Variants in BBS9 observed in about 807,000 individuals in gnomAD.
BBS9 encodes protein PTHB1.
In BBS9, 89 loss-of-function variants were observed where a neutral mutation model predicts 117.7. That is an observed-to-expected ratio of 0.76 (90% CI 0.64 to 0.90). BBS9 has a LOEUF of 0.90. Ranked by LOEUF, BBS9 falls within the 40% of genes least tolerant of loss-of-function variation. The pLI, the probability that BBS9 is intolerant of heterozygous loss-of-function variation, is 0.00. For missense variants in BBS9, 982 were observed against 1,042.2 expected, an observed-to-expected ratio of 0.94 and a Z score of 0.80; for synonymous variants, 379 against 370.9, an observed-to-expected ratio of 1.02 and a Z score of -0.25.
intron 21 of BBS9, among the ~76,000 whole-genome samples, chr7:33,623,718 T>C (rs2129224367): frequency 6.6e-6 from 1 of 152,334 alleles, no homozygotes; most frequent in African/African-American, 2.4e-5. Context: ...AGGATTAACA[T>C]GGATGAATCT....
intron 1 of BBS9, among the ~76,000 whole-genome samples, chr7:33,141,431 A>G (rs1055309855): frequency 2.0e-5 from 3 of 152,004 alleles, no homozygotes; most frequent in Admixed American, 6.6e-5. Context: ...TCACTCCCCA[A>G]AAAAGCTCAC....
chr7:33,455,998 G>C (rs528074498), intron 19 of BBS9, among the ~76,000 whole-genome samples: 1 of 152,148 alleles, frequency 6.6e-6, no homozygotes, highest in African/African-American at 2.4e-5. Flanking sequence ...TATTGTGCTG[G>C]GGAAAAATTA....
intron 5 of BBS9, among the ~76,000 whole-genome samples, chr7:33,197,906 A>C (rs1005634187): frequency 6.6e-6 from 1 of 151,976 alleles, no homozygotes; most frequent in Non-Finnish European, 1.5e-5. Flanking sequence ...TAGAAGAATC[A>C]TATTATATGT....
At chr7:33,406,936 T>G (rs1449866513) in intron 19 of BBS9, among the ~76,000 whole-genome samples, 4 of 152,116 alleles carry the variant, frequency 2.6e-5, no homozygotes, top group African/African-American at 9.7e-5. Flanking sequence ...TCTCGAGGAG[T>G]GTCTTTGTGG....
chr7:33,222,575 TCTC>T (rs1389080543), intron 5 of BBS9, among the ~76,000 whole-genome samples: 13 of 152,226 alleles, frequency 8.5e-5, no homozygotes, highest in Admixed American at 2.0e-4. Flanking sequence ...CCCGGTTTCT[TCTC>T]CTTCTATTCT....
rs374082369 is a variant in BBS9 at position 33,469,090 on chromosome 7, TTGAC to T, written c.2116-36370_2116-36367del. 9.9e-5 allele frequency among the ~76,000 whole-genome samples: 15 copies of T among 152,268 alleles called. No homozygotes were observed. In the South Asian group the frequency reaches 3.1e-3, roughly 32 times the overall value. Reference sequence around the variant, plus strand: ...ATAACCACTTTTACAGTAGAGTAGATTGACTGTGCATTGGTAAGTAGTGTCAGAC... The same window carrying T: ...ATAACCACTTTTACAGTAGAGTAGATTGTGCATTGGTAAGTAGTGTCAGAC... On this transcript the variant is annotated intron_variant, in intron 19 of 22. Coordinates refer to ENST00000242067, the MANE Select transcript of BBS9 (RefSeq NM_198428.3).
chr7:33,219,842 A>G (rs992738592), intron 5 of BBS9, among the ~76,000 whole-genome samples: 1 of 152,050 alleles, frequency 6.6e-6, no homozygotes, highest in African/African-American at 2.4e-5. Context: ...CACTGTGGAA[A>G]TTTTGTTCTT....
chr7:33,306,456 A>G (rs1807992249), intron 9 of BBS9, among the ~76,000 whole-genome samples: 1 of 152,128 alleles, frequency 6.6e-6, no homozygotes, highest in South Asian at 2.1e-4. Context: ...AACGGAAAAT[A>G]TGAAACTTTA....
intron 17 of BBS9, among the ~76,000 whole-genome samples, chr7:33,382,301 AAT>A: frequency 6.6e-6 from 1 of 152,136 alleles, no homozygotes; most frequent in Middle Eastern, 3.4e-3. Context: ...CTCTACTAAA[AAT>A]ACAAAAATTG....
chr7:33,283,067 C>A (rs529828638), intron 9 of BBS9, among the ~76,000 whole-genome samples: 3 of 152,218 alleles, frequency 2.0e-5, no homozygotes, highest in African/African-American at 7.2e-5. Flanking sequence ...TAAATGGAGT[C>A]AAAGCTTACC....
chr7:33,445,796 G>A (rs373525658), intron 19 of BBS9, among the ~76,000 whole-genome samples: 8 of 152,202 alleles, frequency 5.3e-5, no homozygotes, highest in African/African-American at 4.8e-5. Context: ...ATGAAATCTG[G>A]TGGTTTTATA....
At chr7:33,166,320 C>T (rs1041054965) in intron 4 of BBS9, among the ~76,000 whole-genome samples, 6 of 152,182 alleles carry the variant, frequency 3.9e-5, no homozygotes, top group African/African-American at 1.4e-4. Flanking sequence ...GTTCAGGGAC[C>T]CACTTGAGGA....
intron 21 of BBS9, among the ~76,000 whole-genome samples, chr7:33,574,750 A>G (rs937264417): frequency 6.7e-6 from 1 of 148,438 alleles, no homozygotes; most frequent in Non-Finnish European, 1.5e-5. Flanking sequence ...CACTTTCACT[A>G]TTTATTTATT....
intron 21 of BBS9, among the ~76,000 whole-genome samples, chr7:33,626,735 C>CT: frequency 6.6e-6 from 1 of 152,286 alleles, no homozygotes; most frequent in East Asian, 1.9e-4. Flanking sequence ...GAACTTTGAA[C>CT]TTGAGGGTGA....
intron 21 of BBS9, among the ~76,000 whole-genome samples, chr7:33,593,399 GT>G (rs1030953273): frequency 6.6e-6 from 1 of 151,874 alleles, no homozygotes; most frequent in African/African-American, 2.4e-5. Flanking sequence ...GTGAGTAGAG[GT>G]TTTTTTTGTT....
intron 19 of BBS9, among the ~76,000 whole-genome samples, chr7:33,409,265 C>T (rs1294842635): frequency 6.6e-6 from 1 of 152,108 alleles, no homozygotes; most frequent in Non-Finnish European, 1.5e-5. Flanking sequence ...CCTATCTTTT[C>T]TTCTAGGATT....
chr7:33,563,544 A>G (rs1473285793), intron 21 of BBS9, among the ~76,000 whole-genome samples: 1 of 152,218 alleles, frequency 6.6e-6, no homozygotes, highest in Non-Finnish European at 1.5e-5. Flanking sequence ...GTTATGGCCT[A>G]TTGTACAACT....
intron 5 of BBS9, among the ~76,000 whole-genome samples, chr7:33,183,199 T>C (rs1298088822): frequency 1.3e-5 from 2 of 152,168 alleles, no homozygotes. Flanking sequence ...GATGTCTTTT[T>C]TTCCCCCCAA....
At chr7:33,182,563 T>C (rs1798242484) in intron 5 of BBS9, among the ~76,000 whole-genome samples, 3 of 152,236 alleles carry the variant, frequency 2.0e-5, no homozygotes, top group Non-Finnish European at 4.4e-5. Flanking sequence ...TTTATTTTAC[T>C]AATAATCTTT....
Sources: allele counts gnomAD v4.1 joint callset (sites outside exome capture counted in the v4.1 genomes callset), GRCh38; gene constraint gnomAD v4.1.1; transcripts MANE v1.5; gene names NCBI Gene and HGNC (gene_info 2026-07-23, HGNC 2026-07-21).